CLN8: variants seen among roughly 807,000 people sequenced by gnomAD.
CLN8 encodes CLN8 transmembrane ER and ERGIC protein.
In CLN8, 14 loss-of-function variants were observed where a neutral mutation model predicts 15.7. That is an observed-to-expected ratio of 0.89 (90% CI 0.59 to 1.39). The LOEUF (loss-of-function observed/expected upper bound fraction) is 1.39. CLN8 is among the 40% of genes most tolerant of loss of function. The pLI, the probability that CLN8 is intolerant of heterozygous loss-of-function variation, is 0.00. For missense variants in CLN8, 415 were observed against 364.0 expected (o/e 1.14, Z -1.14); for synonymous variants, 188 against 151.0 (o/e 1.25, Z -1.80).
chr8:1,771,929 ATATTTATT>A (rs142696456), intron 2 of CLN8, among the ~76,000 whole-genome samples: 1 of 148,058 alleles, frequency 6.8e-6, no homozygotes, highest in Non-Finnish European at 1.5e-5. Flanking sequence ...TTTTAATACT[ATATTTATT>A]TATTTATTTA....
rs919541697 is a variant in CLN8, at chr8:1,771,320, C to G, written c.266C>G (p.Pro89Arg). Residue 89 changes from proline to arginine, a missense_variant, in exon 2 of 3, where the codon CCT becomes CGT. Transcript: ENST00000331222. ...AAGLWALLGD[P>R]VLHADKARGQ... ...GGCCTGTGGGCTCTGCTGGGGGACC[C>G]TGTGCTGCATGCCGACAAGGCGCGT... is the stretch of plus-strand genomic sequence containing the variant. 3.1e-6 allele frequency: 5 copies of G among 1,614,074 alleles called. No homozygotes were observed. In the African/African-American group the frequency reaches 6.7e-5, roughly 22 times the overall value.
At chr8:1,755,623 G>C (rs888692199), upstream of CLN8, among the ~76,000 whole-genome samples, 1 of 152,138 alleles carries the variant, frequency 6.6e-6, no homozygotes, top group Non-Finnish European at 1.5e-5. Flanking sequence ...CTGCCCAGAG[G>C]GCTGGGGGTT....
Position 1,771,133 on chromosome 8 carries a change from C to G in CLN8, c.79C>G (p.Leu27Val), listed in dbSNP as rs1801283382. ...DYASWGIRST[L>V]MVAGFVFYLG... is the part of the protein sequence containing the mutation. ...TGCATCCTGGGGGATCCGCTCCACG[C>G]TGATGGTCGCTGGCTTTGTCTTCTA... The change falls in exon 2 of 3, where the codon CTG becomes GTG. Residue 27 changes from leucine (L) to valine (V), a missense_variant. Physicochemically the swap from Leu to Val is conservative, Grantham distance 32. Coordinates refer to ENST00000331222, the MANE Select transcript of CLN8 (RefSeq NM_018941.4). The G allele has an allele frequency of 5.0e-6, 8 of 1,614,056 alleles. No homozygotes were observed. The highest frequency in any genetic ancestry group is 6.8e-6 in the Non-Finnish European group (8 of 1,180,016).
At chr8:1,770,362 G>T (rs1056368612) in intron 1 of CLN8, among the ~76,000 whole-genome samples, 4 of 152,158 alleles carry the variant, frequency 2.6e-5, no homozygotes, top group Non-Finnish European at 5.9e-5. Flanking sequence ...GGTGAGAGTG[G>T]AACCAGAGAA....
Position 1,782,491 on chromosome 8 carries a change from G to C in CLN8, c.*1924G>C, listed in dbSNP as rs991494035. ...CTGGTGCTTTAACTATATTGACCAA[G>C]GTGTATAGTAACCTATTTATCACAT... is the stretch of plus-strand genomic sequence containing the variant. On this transcript the variant is annotated 3_prime_UTR_variant, in exon 3 of 3. Transcript: ENST00000331222. The C allele has an allele frequency of 1.3e-5, 2 of 152,152 alleles. No homozygotes were observed. Among genetic ancestry groups the C allele is most frequent in the African/African-American group, 4.8e-5 (2 of 41,426 alleles). 9.4% of individuals were successfully genotyped at this position (152,152 alleles called of 1,614,324 possible). A position where few individuals can be genotyped will look rare whatever the true frequency, so the allele number is the denominator to read the frequency against.
At chr8:1,779,341 C>G (rs1801632285) in intron 2 of CLN8, among the ~76,000 whole-genome samples, 1 of 152,192 alleles carries the variant, frequency 6.6e-6, no homozygotes, top group Non-Finnish European at 1.5e-5. Flanking sequence ...CTCCCAGGTT[C>G]AAATGATTCT....
upstream of CLN8, chr8:1,762,750 A>G (rs1236024902): frequency 6.6e-6 from 1 of 152,254 alleles, no homozygotes; most frequent in African/African-American, 2.4e-5. Flanking sequence ...CAGGAAAGGA[A>G]AAAAGCGAGG....
intron 1 of CLN8, chr8:1,765,362 C>T (rs996610651): frequency 6.6e-6 from 1 of 152,174 alleles, no homozygotes; most frequent in Admixed American, 6.5e-5. Context: ...TCTAGAAAAA[C>T]AATTGACCCA....
At chr8:1,775,119 T>G (rs1017471036) in intron 2 of CLN8, among the ~76,000 whole-genome samples, 3 of 152,098 alleles carry the variant, frequency 2.0e-5, no homozygotes, top group African/African-American at 7.2e-5. Flanking sequence ...CAAAAATATT[T>G]GGGAAAAATT....
chr8:1,780,211 T>C (rs769373730), intron 2 of CLN8, 39 bp from the exon 3 acceptor site: 29 of 1,614,120 alleles, frequency 1.8e-5, no homozygotes, highest in Non-Finnish European at 2.4e-5. Flanking sequence ...ATTTTGGCAG[T>C]TTCGCATTGA....
At chr8:1,766,937 C>G (rs1052596446) in intron 1 of CLN8, among the ~76,000 whole-genome samples, 1 of 152,224 alleles carries the variant, frequency 6.6e-6, no homozygotes, top group Non-Finnish European at 1.5e-5. Context: ...AAGGCCTAGC[C>G]ACACTTCTGT....
rs200586773 is a variant in CLN8 at position 1,767,594 on chromosome 8, C to T, written c.-123-3338C>T. Among the ~76,000 whole-genome samples the T allele has an allele frequency of 5.0e-3, 303 of 60,068 alleles. 3 individuals are homozygous for T. Among genetic ancestry groups the T allele is most frequent in the Admixed American group, 0.035 (166 of 4,742 alleles). 39.4% of individuals were successfully genotyped at this position (60,068 alleles called of 152,430 possible). A position where few individuals can be genotyped will look rare whatever the true frequency, so the allele number is the denominator to read the frequency against. ...TTTTTTTTTTTTTTTTTTTTTGAGA[C>T]GGGGTCTCATCTTGTCACCCAGGCT... On this transcript the variant is annotated intron_variant, in intron 1 of 2. Coordinates refer to ENST00000331222, the MANE Select transcript of CLN8 (RefSeq NM_018941.4).
At position 1,780,574 on chromosome 8, in the gene CLN8, C is replaced by T. The variant is rs369800486; in HGVS notation, c.*7C>T. 12 of 1,611,642 alleles carry T rather than the reference C, an allele frequency of 7.4e-6. No individual in the cohort carries two copies. Among genetic ancestry groups the T allele is most frequent in the Non-Finnish European group, 1.0e-5 (12 of 1,178,094 alleles). ...GCGGAAGAAGAGGCCATAGCTGCTC[C>T]AGCCGGGGCTCCGGGGCGGCAGCAG... On this transcript the variant is annotated 3_prime_UTR_variant, in exon 3 of 3. Coordinates refer to ENST00000331222, the MANE Select transcript of CLN8 (RefSeq NM_018941.4).
At chr8:1,779,514 G>T (rs1409694215) in intron 2 of CLN8, among the ~76,000 whole-genome samples, 4 of 152,204 alleles carry the variant, frequency 2.6e-5, no homozygotes, top group Non-Finnish European at 5.9e-5. Flanking sequence ...CAAAGTGCTG[G>T]GATTATAGGC....
At position 1,785,846 on chromosome 8, in the gene CLN8, TG is replaced by T. The variant is rs1801819217; in HGVS notation, c.*5280del. On this transcript the variant is annotated 3_prime_UTR_variant, in exon 3 of 3. Transcript: ENST00000331222. ...CGGCAGTAAAGACAGGACGCACCCATGTCACAAGAGGAGCACAGGCAGGGGT... is the reference window on the plus strand; with the variant it reads ...CGGCAGTAAAGACAGGACGCACCCATTCACAAGAGGAGCACAGGCAGGGGT... 1 of 159,418 alleles carries T rather than the reference TG, an allele frequency of 6.3e-6. No individual in the cohort carries two copies. The highest frequency in any genetic ancestry group is 1.4e-5 in the Non-Finnish European group (1 of 71,762). 9.9% of individuals were successfully genotyped at this position (159,418 alleles called of 1,614,324 possible).
Position 1,781,226 on chromosome 8 carries a change from C to G in CLN8, c.*659C>G, listed in dbSNP as rs1489409810. 1 of 152,566 alleles carries G rather than the reference C, an allele frequency of 6.6e-6. No homozygotes were observed. The highest frequency in any genetic ancestry group is 2.4e-5 in the African/African-American group (1 of 41,360). The allele number at this position is 152,566 out of a possible 1,614,324, so 9.5% of individuals were successfully genotyped here. A position where few individuals can be genotyped will look rare whatever the true frequency, so the allele number is the denominator to read the frequency against. Reference sequence around the variant, plus strand: ...TACAAAAATTAGCCGGGTGTCGTGGCACACACCTGTAATCCCAGCTATTTG... The same window carrying G: ...TACAAAAATTAGCCGGGTGTCGTGGGACACACCTGTAATCCCAGCTATTTG... On this transcript the variant is annotated 3_prime_UTR_variant, in exon 3 of 3. Transcript: ENST00000331222.
At chr8:1,766,069 G>T (rs1325304034) in intron 1 of CLN8, among the ~76,000 whole-genome samples, 1 of 152,200 alleles carries the variant, frequency 6.6e-6, no homozygotes, top group African/African-American at 2.4e-5. Context: ...TGGCCACTGA[G>T]CCTGGTTCCT....
At chr8:1,765,051 C>A (rs559524888) in intron 1 of CLN8, 5 of 152,356 alleles carry the variant, frequency 3.3e-5, no homozygotes, top group East Asian at 3.9e-4. Context: ...TTGAACACTT[C>A]TGTGCCTCAC....
upstream of CLN8, chr8:1,762,524 A>T (rs1800824760): frequency 1.3e-5 from 2 of 152,176 alleles, no homozygotes; most frequent in African/African-American, 4.8e-5. Flanking sequence ...ACATTTACCC[A>T]TGTTCTTAGA....
Sources: allele counts gnomAD v4.1 joint callset (sites outside exome capture counted in the v4.1 genomes callset), GRCh38; gene constraint gnomAD v4.1.1; transcripts MANE v1.5; gene names NCBI Gene and HGNC (gene_info 2026-07-23, HGNC 2026-07-21).